The following ST6GAL2 variants were observed in gnomAD, a reference collection of about 807,000 sequenced individuals.
ST6GAL2 encodes ST6 beta-galactoside alpha-2,6-sialyltransferase 2.
ST6GAL2 carries 24 observed loss-of-function variants against 37.5 expected under a neutral mutation model. The observed-to-expected ratio is 0.64, with a 90% CI of 0.46 to 0.90. The LOEUF (loss-of-function observed/expected upper bound fraction) is 0.90. Among genes scored for constraint, ST6GAL2 ranks in the 40% least tolerant of loss-of-function variants. ST6GAL2 has a pLI of 0.00. For missense variants in ST6GAL2, 715 were observed against 712.7 expected, an observed-to-expected ratio of 1.00 and a Z score of -0.04; for synonymous variants, 306 against 295.1, an observed-to-expected ratio of 1.04 and a Z score of -0.38.
chr2:106,814,830 C>T (rs1675741739), intron 5 of ST6GAL2, among the ~76,000 whole-genome samples: 1 of 152,192 alleles, frequency 6.6e-6, no homozygotes, highest in Non-Finnish European at 1.5e-5. Context: ...CAGTCAGGCA[C>T]AGTCAAAATG....
At position 106,843,316 on chromosome 2, in the gene ST6GAL2, A is replaced by G; in HGVS notation, c.662T>C (p.Leu221Pro). The change falls in exon 2 of 6, where the codon CTG (leucine) becomes CCG (proline). Residue 221 changes from leucine to proline, a missense_variant. Coordinates refer to ENST00000409382, the MANE Select transcript of ST6GAL2 (RefSeq NM_001142351.2). ...NVSSKMLNPR[L>P]QKAMKDYLTA... The stretch of plus-strand genomic sequence containing the variant: ...CAGGTAATCCTTCATCGCCTTCTGC[A>G]GGCGCGGGTTCAGCATTTTGGAAGA... 6.2e-7 allele frequency: 1 copy of G among 1,613,846 alleles called. No individual in the cohort carries two copies. Among genetic ancestry groups the G allele is most frequent in the Non-Finnish European group, 8.5e-7 (1 of 1,179,936 alleles).
At chr2:106,840,652 C>A (rs917942505) in intron 2 of ST6GAL2, among the ~76,000 whole-genome samples, 6 of 152,160 alleles carry the variant, frequency 3.9e-5, no homozygotes, top group African/African-American at 1.4e-4. Context: ...GATTTGGATA[C>A]TAGAAATTAA....
chr2:106,808,738 T>A (rs913165840), intron 5 of ST6GAL2, among the ~76,000 whole-genome samples: 1 of 152,210 alleles, frequency 6.6e-6, no homozygotes, highest in Non-Finnish European at 1.5e-5. Context: ...CTCCCCTGTA[T>A]AAAATCATAT....
At chr2:106,831,529 G>A (rs759969210) in intron 4 of ST6GAL2, among the ~76,000 whole-genome samples, 4 of 152,132 alleles carry the variant, frequency 2.6e-5, no homozygotes, top group African/African-American at 7.2e-5. Flanking sequence ...TCAGCGGAGG[G>A]TACATATGAG....
Position 106,839,455 on chromosome 2 carries a change from C to T in ST6GAL2, c.943+3580G>A, listed in dbSNP as rs115699872. On this transcript the variant is annotated intron_variant, in intron 2 of 5. Transcript: ENST00000409382. ...TTGTCTGTTTACCACTGAAGTGTGCCGGTATGGATAGTTGAGCCTGTGACC... is the reference window on the plus strand; with the variant it reads ...TTGTCTGTTTACCACTGAAGTGTGCTGGTATGGATAGTTGAGCCTGTGACC... 4.4e-3 allele frequency among the ~76,000 whole-genome samples: 675 copies of T among 152,214 alleles called. 3 individuals are homozygous for T. Among genetic ancestry groups the T allele is most frequent in the African/African-American group, 0.015 (637 of 41,526 alleles).
At position 106,805,101 on chromosome 2, in the gene ST6GAL2, C is replaced by G. The variant is rs893145906; in HGVS notation, c.*1577G>C. ...GCTGAATAGACTAACCAAACAGAAG[C>G]CTTCAGTCTCTGTAAGCCATTCTTG... On this transcript the variant is annotated 3_prime_UTR_variant, in exon 6 of 6. Transcript: ENST00000409382. The G allele has an allele frequency of 1.1e-4, 17 of 152,146 alleles. No individual in the cohort carries two copies. The highest frequency in any genetic ancestry group is 5.9e-4 in the Admixed American group (9 of 15,278). 9.4% of individuals were successfully genotyped at this position (152,146 alleles called of 1,614,324 possible).
In ST6GAL2 at chr2:106,806,887, G is replaced by A. The variant is rs763640071; in HGVS notation, c.1381C>T (p.Arg461Trp). ...TGGTAGTGGCACAGCTCCGTCTGCC[G>A]CACGGATGGGATATATTCATACACG... ...VHVYEYIPSV[R>W]QTELCHYHEL... The change falls in exon 6 of 6, where the codon CGG (arginine) becomes TGG (tryptophan). Residue 461 changes from arginine (R) to tryptophan (W), a missense_variant. Coordinates refer to ENST00000409382, the MANE Select transcript of ST6GAL2 (RefSeq NM_001142351.2). 11 of 1,613,996 alleles carry A rather than the reference G, an allele frequency of 6.8e-6. 1 individual carries two copies. Among genetic ancestry groups the A allele is most frequent in the South Asian group, 4.4e-5 (4 of 91,072 alleles).
At chr2:106,844,077 G>T in intron 1 of ST6GAL2, 43 bp from the exon 2 acceptor site, 1 of 930,102 alleles carries the variant, frequency 1.1e-6, no homozygotes, top group Non-Finnish European at 1.6e-6. Context: ...TGGGGCATCT[G>T]CTCAGATGCT....
chr2:106,823,622 A>C (rs1308212273), intron 5 of ST6GAL2, among the ~76,000 whole-genome samples: 2 of 152,198 alleles, frequency 1.3e-5, no homozygotes, highest in African/African-American at 4.8e-5. Context: ...AAGTGCAAAA[A>C]GTATGTTATG....
Position 106,883,757 on chromosome 2 carries a change from A to T in ST6GAL2, c.-58+2336T>A, listed in dbSNP as rs550494328. Among the ~76,000 whole-genome samples the T allele has an allele frequency of 9.3e-5, 7 of 75,314 alleles. No homozygotes were observed. The South Asian group carries it at 2.1e-3, about 22-fold the overall frequency. 49.4% of individuals were successfully genotyped at this position (75,314 alleles called of 152,430 possible). On this transcript the variant is annotated intron_variant, in intron 1 of 5. Transcript: ENST00000409382. The stretch of plus-strand genomic sequence containing the variant: ...TACAGAAAATCCAGGAAAAGAAAAA[A>T]CTCAATCAATCAGGAATAACACAAT...
At chr2:106,862,163 A>C (rs928596172) in intron 1 of ST6GAL2, among the ~76,000 whole-genome samples, 1 of 152,218 alleles carries the variant, frequency 6.6e-6, no homozygotes, top group African/African-American at 2.4e-5. Context: ...ATGCAGCTTA[A>C]ATGAAATGCT....
chr2:106,850,784 C>T (rs1422754037), intron 1 of ST6GAL2, among the ~76,000 whole-genome samples: 1 of 152,186 alleles, frequency 6.6e-6, no homozygotes, highest in Non-Finnish European at 1.5e-5. Flanking sequence ...AGAGAAAACA[C>T]ATCTTTTCCT....
rs1303047480 is a variant in ST6GAL2 at position 106,843,786 on chromosome 2, G to T, written c.192C>A (p.Ala64=). ...CCCCAGGCGGGGAGGGCTCATGTGC[G>T]GCGCCCATGATGGCCCGCTGCTTCC... The part of the protein sequence containing the change: ...VQGKQRAIMG[A]AHEPSPPGGL... The change falls in exon 2 of 6, where the codon GCC becomes GCA. Residue 64 remains alanine (A), a synonymous_variant. Coordinates refer to ENST00000409382, the MANE Select transcript of ST6GAL2 (RefSeq NM_001142351.2). 1.9e-6 allele frequency: 3 copies of T among 1,610,600 alleles called. No homozygotes were observed. In the South Asian group the frequency reaches 3.3e-5, roughly 18 times the overall value.
At chr2:106,858,411 A>G (rs1677667089) in intron 1 of ST6GAL2, among the ~76,000 whole-genome samples, 1 of 152,176 alleles carries the variant, frequency 6.6e-6, no homozygotes, top group South Asian at 2.1e-4. Flanking sequence ...ACCTTCCTCC[A>G]TTCACAGTGA....
At chr2:106,830,646 C>A (rs1676386038) in intron 4 of ST6GAL2, among the ~76,000 whole-genome samples, 1 of 152,164 alleles carries the variant, frequency 6.6e-6, no homozygotes, top group Admixed American at 6.5e-5. Flanking sequence ...TAAAAAAACA[C>A]TATTTATTAA....
intron 5 of ST6GAL2, among the ~76,000 whole-genome samples, chr2:106,829,409 A>C (rs1258501331): frequency 1.3e-5 from 2 of 152,184 alleles, no homozygotes; most frequent in Admixed American, 6.5e-5. Flanking sequence ...AAGTCTAATT[A>C]CTTTGAGACC....
At chr2:106,877,473 T>C (rs973680992) in intron 1 of ST6GAL2, among the ~76,000 whole-genome samples, 1 of 152,252 alleles carries the variant, frequency 6.6e-6, no homozygotes, top group African/African-American at 2.4e-5. Flanking sequence ...TCAGCACCTA[T>C]GAGCTTCTTT....
chr2:106,813,019 C>T (rs573017233), intron 5 of ST6GAL2: 18 of 1,223,508 alleles, frequency 1.5e-5, no homozygotes, highest in South Asian at 8.6e-5. Flanking sequence ...GATTTAGACA[C>T]GTTTTAATGT....
intron 1 of ST6GAL2, among the ~76,000 whole-genome samples, chr2:106,869,217 A>T (rs1313037717): frequency 1.3e-5 from 2 of 152,144 alleles, no homozygotes; most frequent in African/African-American, 4.8e-5. Context: ...CAGACTCCCT[A>T]GAATTCTTCA....
Sources: allele counts gnomAD v4.1 joint callset (sites outside exome capture counted in the v4.1 genomes callset), GRCh38; gene constraint gnomAD v4.1.1; transcripts MANE v1.5; gene names NCBI Gene and HGNC (gene_info 2026-07-23, HGNC 2026-07-21).